NEO1: variants seen among roughly 807,000 people sequenced by gnomAD.
The protein encoded by NEO1 is neogenin.
In NEO1, 63 loss-of-function variants were observed where a neutral mutation model predicts 159.7. The ratio of observed to expected loss-of-function variants is 0.39; its 90% CI spans 0.32 to 0.49. The LOEUF (loss-of-function observed/expected upper bound fraction) is 0.49, where lower values mean the gene tolerates loss of function less well. NEO1 is among the 20% of genes least tolerant of loss of function. The pLI, the probability that NEO1 is intolerant of heterozygous loss-of-function variation, is 0.85. For synonymous variants in NEO1, 633 were observed against 662.0 expected (o/e 0.96, Z 0.67); for missense variants, 1,615 against 1,831.0 (o/e 0.88, Z 2.15).
chr15:73,260,233 A>G, intron 14 of NEO1, 38 bp from the exon 15 acceptor site: 4 of 1,576,598 alleles, frequency 2.5e-6, no homozygotes, highest in South Asian at 2.2e-5. Context: ...TTTAAAGGAC[A>G]GTATATCTCA....
intron 1 of NEO1, among the ~76,000 whole-genome samples, chr15:73,109,532 T>C (rs1347583899): frequency 6.6e-6 from 1 of 152,054 alleles, no homozygotes; most frequent in Non-Finnish European, 1.5e-5. Flanking sequence ...AGGAAAGCAC[T>C]CTTATAAATT....
chr15:73,160,711 C>T (rs567040352), intron 5 of NEO1, among the ~76,000 whole-genome samples: 4 of 152,104 alleles, frequency 2.6e-5, no homozygotes, highest in Admixed American at 6.6e-5. Flanking sequence ...GGGCAAGGTA[C>T]GTGGGAAGGG....
chr15:73,188,396 A>G (rs2036052933), intron 7 of NEO1, among the ~76,000 whole-genome samples: 1 of 152,096 alleles, frequency 6.6e-6, no homozygotes, highest in African/African-American at 2.4e-5. Context: ...TTGTTTTTCT[A>G]CTTGTTGTTA....
In NEO1 at chr15:73,254,862, CTG is replaced by C. The variant is rs143755951; in HGVS notation, c.2092+37_2092+38del. 2,518 of 1,593,572 alleles carry C rather than the reference CTG, an allele frequency of 1.6e-3. 37 individuals are homozygous for C. In the African/African-American group the frequency reaches 0.031, roughly 20 times the overall value. On this transcript the variant is annotated intron_variant, in intron 13 of 28. Coordinates refer to ENST00000261908, the MANE Select transcript of NEO1 (RefSeq NM_002499.4). Reference sequence around the variant, plus strand: ...ACCGTGCACAAAGGCAAAAGGTACACTGTGTCTTTCTCAGATATTGAATTATG... The same window carrying C: ...ACCGTGCACAAAGGCAAAAGGTACACTGTCTTTCTCAGATATTGAATTATG...
chr15:73,249,218 G>A lies in NEO1; in HGVS notation c.1755+10G>A. The A allele has an allele frequency of 6.2e-7, 1 of 1,612,516 alleles. No individual in the cohort carries two copies. Among genetic ancestry groups the A allele is most frequent in the South Asian group, 1.1e-5 (1 of 90,858 alleles). On this transcript the variant is annotated intron_variant, in intron 10 of 28. Coordinates refer to ENST00000261908, the MANE Select transcript of NEO1 (RefSeq NM_002499.4). ...GACTGATAAAGAACAGGTATGAAGT[G>A]AAGCAACTTTTCAAACCATTGATTG...
chr15:73,093,706 TG>T, intron 1 of NEO1, among the ~76,000 whole-genome samples: 1 of 152,122 alleles, frequency 6.6e-6, no homozygotes, highest in African/African-American at 2.4e-5. Context: ...CCCAAGTAGC[TG>T]GGACCACAGG....
At chr15:73,283,174 T>G in intron 23 of NEO1, 63 bp downstream of exon 23, 3 of 1,555,844 alleles carry the variant, frequency 1.9e-6, no homozygotes, top group Non-Finnish European at 2.7e-6. Flanking sequence ...CCATGTGACT[T>G]CTGTATATGG....
chr15:73,253,374 T>A (rs35393882), intron 11 of NEO1, 26 bp from the exon 12 acceptor site: 22,824 of 315,480 alleles, frequency 0.072, 74 homozygotes, highest in South Asian at 0.12. Context: ...AAAAAAAAAA[T>A]TTTTTTTTTT....
At chr15:73,229,255 G>A (rs35391014) in intron 7 of NEO1, among the ~76,000 whole-genome samples, 44,188 of 151,756 alleles carry the variant, frequency 0.29, 7,372 homozygotes, top group East Asian at 0.57. Flanking sequence ...TTATTCCTGA[G>A]TATCTTAAAA....
chr15:73,244,520 C>G (rs748212562), intron 9 of NEO1, 22 bp downstream of exon 9: 35 of 1,610,622 alleles, frequency 2.2e-5, no homozygotes, highest in Non-Finnish European at 2.9e-5. Context: ...ACCTGTCTGT[C>G]AGCACCCCCT....
At chr15:73,075,102 C>T (rs1052526755) in intron 1 of NEO1, among the ~76,000 whole-genome samples, 1 of 152,152 alleles carries the variant, frequency 6.6e-6, no homozygotes, top group African/African-American at 2.4e-5. Context: ...ATTCATAGCA[C>T]CTATTTAAGT....
At chr15:73,290,954 T>A (rs2042143568) in intron 25 of NEO1, among the ~76,000 whole-genome samples, 1 of 152,152 alleles carries the variant, frequency 6.6e-6, no homozygotes, top group Non-Finnish European at 1.5e-5. Flanking sequence ...TACACAAACA[T>A]GTAAGATACT....
intron 22 of NEO1, among the ~76,000 whole-genome samples, chr15:73,281,142 A>G (rs2041678113): frequency 7.0e-6 from 1 of 143,048 alleles, no homozygotes; most frequent in African/African-American, 2.5e-5. Context: ...AGAGGGGCGG[A>G]GCTTGCAGTG....
At chr15:73,230,798 C>G (rs1220533361) in intron 7 of NEO1, among the ~76,000 whole-genome samples, 10 of 152,068 alleles carry the variant, frequency 6.6e-5, no homozygotes, top group Admixed American at 4.6e-4. Context: ...CACTATGTTG[C>G]CCAGGCTGGT....
intron 23 of NEO1, among the ~76,000 whole-genome samples, chr15:73,285,435 C>G (rs890880800): frequency 2.6e-5 from 4 of 152,200 alleles, no homozygotes; most frequent in Admixed American, 6.5e-5. Flanking sequence ...ATAATAGGCT[C>G]TATTCTCTGT....
At chr15:73,281,445 C>T (rs1464525893) in intron 22 of NEO1, among the ~76,000 whole-genome samples, 3 of 151,862 alleles carry the variant, frequency 2.0e-5, no homozygotes, top group Non-Finnish European at 2.9e-5. Context: ...TTATTAGAGA[C>T]GAGGTTTCAC....
chr15:73,216,792 T>C (rs1199827651), intron 7 of NEO1, among the ~76,000 whole-genome samples: 1 of 152,236 alleles, frequency 6.6e-6, no homozygotes, highest in Non-Finnish European at 1.5e-5. Context: ...TTTTTTCTTG[T>C]AAATTTGTTT....
At chr15:73,165,954 A>G (rs574029622) in intron 5 of NEO1, among the ~76,000 whole-genome samples, 35 of 152,252 alleles carry the variant, frequency 2.3e-4, no homozygotes, top group African/African-American at 7.2e-4. Context: ...CATTGTGGGC[A>G]TGTCTGGGCA....
chr15:73,300,717 A>C (rs2151188803), intron 27 of NEO1, among the ~76,000 whole-genome samples: 1 of 152,330 alleles, frequency 6.6e-6, no homozygotes, highest in African/African-American at 2.4e-5. Flanking sequence ...GGCAACAAGG[A>C]GAGACTCCGT....
Sources: gnomAD v4.1 joint callset for allele counts (sites outside exome capture counted in the v4.1 genomes callset) on GRCh38, gnomAD v4.1.1 for gene constraint, MANE v1.5 for transcripts, NCBI Gene and HGNC (gene_info 2026-07-23, HGNC 2026-07-21) for gene names.